The following PDE8A variants were observed in gnomAD, a reference collection of about 807,000 sequenced individuals.
PDE8A encodes the protein high affinity cAMP-specific and IBMX-insensitive 3',5'-cyclic phosphodiesterase 8A.
Under a neutral mutation model 105.0 loss-of-function variants are expected in PDE8A, and 59 were observed. The ratio of observed to expected loss-of-function variants is 0.56; its 90% CI spans 0.46 to 0.70. PDE8A has a LOEUF of 0.70. Among genes scored for constraint, PDE8A ranks in the 30% least tolerant of loss-of-function variants. The probability of loss-of-function intolerance (pLI) is 0.00; values close to 1 mark genes in which losing one functional copy is unlikely to be tolerated. For synonymous variants in PDE8A, 355 were observed against 371.9 expected (o/e 0.95, Z 0.52); for missense variants, 1,014 against 1,045.9 (o/e 0.97, Z 0.42).
At chr15:85,049,205 T>C (rs1424868459) in intron 1 of PDE8A, among the ~76,000 whole-genome samples, 2 of 152,224 alleles carry the variant, frequency 1.3e-5, no homozygotes, top group Admixed American at 1.3e-4. Context: ...ACGTAAAATA[T>C]ACCATCTTAA....
At chr15:85,020,375 G>A (rs1214245096) in intron 1 of PDE8A, among the ~76,000 whole-genome samples, 4 of 152,090 alleles carry the variant, frequency 2.6e-5, no homozygotes, top group Admixed American at 6.5e-5. Flanking sequence ...AAGCCAAGGC[G>A]GGTGGATTAC....
At chr15:85,025,286 C>G (rs920810047) in intron 1 of PDE8A, among the ~76,000 whole-genome samples, 45 of 152,268 alleles carry the variant, frequency 3.0e-4, no homozygotes, top group African/African-American at 1.1e-3. Flanking sequence ...CCCTTGAAGC[C>G]AGTTCCCTGA....
At chr15:84,990,886 C>T (rs759401591) in intron 1 of PDE8A, among the ~76,000 whole-genome samples, 1 of 152,192 alleles carries the variant, frequency 6.6e-6, no homozygotes, top group African/African-American at 2.4e-5. Flanking sequence ...ACATCCTTCC[C>T]ATCATTTGGT....
intron 2 of PDE8A, among the ~76,000 whole-genome samples, chr15:85,065,110 G>A (rs2081201693): frequency 6.6e-6 from 1 of 152,086 alleles, no homozygotes; most frequent in African/African-American, 2.4e-5. Context: ...TGTAGAGAAA[G>A]GGCATGTTTA....
chr15:85,085,942 G>A (rs2081545475), intron 6 of PDE8A, among the ~76,000 whole-genome samples: 1 of 151,284 alleles, frequency 6.6e-6, no homozygotes, highest in African/African-American at 2.4e-5. Flanking sequence ...AACCCGGGAG[G>A]CGAAGGTTGC....
chr15:85,117,456 C>T (rs2082113654), intron 16 of PDE8A, among the ~76,000 whole-genome samples, 185 bp from the exon 17 acceptor site: 1 of 152,110 alleles, frequency 6.6e-6, no homozygotes, highest in Non-Finnish European at 1.5e-5. Flanking sequence ...CATCATGGTC[C>T]CCTGAGGGCA....
chr15:85,086,019 T>TAAA (rs543939248), intron 6 of PDE8A, among the ~76,000 whole-genome samples: 22 of 104,550 alleles, frequency 2.1e-4, no homozygotes, highest in Admixed American at 5.1e-4. Flanking sequence ...TCTCAAAAAG[T>TAAA]AAAAAAAAAA....
At chr15:85,124,136 T>C (rs1370018762) in intron 19 of PDE8A, among the ~76,000 whole-genome samples, 1 of 152,190 alleles carries the variant, frequency 6.6e-6, no homozygotes, top group Admixed American at 6.5e-5. Context: ...ATTTGAGGCA[T>C]GGAGTCCACA....
At position 85,044,070 on chromosome 15, in the gene PDE8A, A is replaced by G. The variant is rs1040298974; in HGVS notation, c.187-20300A>G. On this transcript the variant is annotated intron_variant, in intron 1 of 21. Coordinates refer to ENST00000394553, the MANE Select transcript of PDE8A (RefSeq NM_002605.3). The stretch of plus-strand genomic sequence containing the variant: ...ATGCCTTGTAATATGTATGTGCATT[A>G]TAGAATTATAATTTCATAGCAAAAG... Among the ~76,000 whole-genome samples, 4 of 152,372 alleles carry G rather than the reference A, an allele frequency of 2.6e-5. No homozygotes were observed. In the East Asian group the frequency reaches 7.7e-4, roughly 29 times the overall value.
chr15:85,005,964 G>C (rs1449054900), intron 1 of PDE8A, among the ~76,000 whole-genome samples: 1 of 152,180 alleles, frequency 6.6e-6, no homozygotes, highest in East Asian at 1.9e-4. Context: ...CACACGTTCG[G>C]CTCTGAGCTT....
chr15:85,095,050 G>A (rs2081719749), intron 8 of PDE8A, among the ~76,000 whole-genome samples: 1 of 152,106 alleles, frequency 6.6e-6, no homozygotes, highest in Admixed American at 6.6e-5. Flanking sequence ...GGATAGGATG[G>A]CTGGATGATG....
intron 1 of PDE8A, among the ~76,000 whole-genome samples, chr15:85,062,055 TG>T (rs2081154451): frequency 6.6e-6 from 1 of 152,228 alleles, no homozygotes; most frequent in South Asian, 2.1e-4. Context: ...TTGAAGTTGT[TG>T]TAAAGTCTTT....
intron 1 of PDE8A, among the ~76,000 whole-genome samples, chr15:85,015,525 A>C (rs959003763): frequency 3.3e-5 from 5 of 152,120 alleles, no homozygotes; most frequent in African/African-American, 1.2e-4. Flanking sequence ...GGTGTTGTTC[A>C]ATTTCCCTCT....
At chr15:85,130,422 A>G in intron 20 of PDE8A, among the ~76,000 whole-genome samples, 1 of 152,320 alleles carries the variant, frequency 6.6e-6, no homozygotes, top group South Asian at 2.1e-4. Context: ...TTTCACTGTT[A>G]TTAGAAAAGG....
At chr15:85,096,769 T>C (rs892735359) in intron 8 of PDE8A, among the ~76,000 whole-genome samples, 1 of 152,206 alleles carries the variant, frequency 6.6e-6, no homozygotes, top group Non-Finnish European at 1.5e-5. Context: ...ACCTAAGGAC[T>C]CAGCTGGGCT....
chr15:85,117,833 G>T lies in PDE8A; in HGVS notation c.1728G>T (p.Arg576Ser), dbSNP rs1448745219. 6.2e-7 allele frequency: 1 copy of T among 1,611,854 alleles called. No individual in the cohort carries two copies. Among genetic ancestry groups the T allele is most frequent in the Non-Finnish European group, 8.5e-7 (1 of 1,178,202 alleles). The change falls in exon 17 of 22, where the codon AGG becomes AGT. Residue 576 changes from arginine (R) to serine (S), a missense_variant. Transcript: ENST00000394553. ...CTGCCTATTTTCTCTCCAAGGAGAG[G>T]ATAAAGGTGAGCTGTTGTTTACCTG... The part of the protein sequence containing the change: ...HATAYFLSKE[R>S]IKETLDPIDE...
chr15:85,036,766 A>C (rs1019620225), intron 1 of PDE8A, among the ~76,000 whole-genome samples: 1 of 152,194 alleles, frequency 6.6e-6, no homozygotes, highest in Non-Finnish European at 1.5e-5. Context: ...GACACAGTAG[A>C]AGAATCTCTA....
intron 2 of PDE8A, 47 bp from the exon 3 acceptor site, chr15:85,066,967 T>C: frequency 7.2e-7 from 1 of 1,390,364 alleles, no homozygotes; most frequent in Non-Finnish European, 1.0e-6. Flanking sequence ...GAAATGACAA[T>C]TCTAACATCT....
intron 1 of PDE8A, among the ~76,000 whole-genome samples, chr15:85,039,852 A>C (rs868463151): frequency 6.6e-6 from 1 of 152,206 alleles, no homozygotes; most frequent in Admixed American, 6.5e-5. Context: ...AGAGACAAAT[A>C]CCCTATGATT....
Sources: gnomAD v4.1 joint callset for allele counts (sites outside exome capture counted in the v4.1 genomes callset) on GRCh38, gnomAD v4.1.1 for gene constraint, MANE v1.5 for transcripts, NCBI Gene and HGNC (gene_info 2026-07-23, HGNC 2026-07-21) for gene names.